The following CCDC73 variants were observed in gnomAD, a reference collection of about 807,000 sequenced individuals.
CCDC73 encodes coiled-coil domain-containing protein 73.
Under a neutral mutation model 116.5 loss-of-function variants are expected in CCDC73, and 95 were observed. That is an observed-to-expected ratio of 0.82 (90% CI 0.69 to 0.97). The LOEUF is 0.97. Ranked by LOEUF, CCDC73 falls within the 50% of genes least tolerant of loss-of-function variation. CCDC73 has a pLI of 0.00. For synonymous variants in CCDC73, 398 were observed against 401.3 expected, an observed-to-expected ratio of 0.99 and a Z score of 0.10; for missense variants, 1,066 against 1,206.8, an observed-to-expected ratio of 0.88 and a Z score of 1.73.
At chr11:32,758,543 G>A in intron 2 of CCDC73, 1 of 451,352 alleles carries the variant, frequency 2.2e-6, no homozygotes, top group Non-Finnish European at 4.4e-6. Context: ...GATCAAACAT[G>A]CTTTCTTCAT....
intron 2 of CCDC73, among the ~76,000 whole-genome samples, chr11:32,749,859 TCTTA>T (rs1179016663): frequency 1.3e-5 from 2 of 149,090 alleles, no homozygotes; most frequent in Non-Finnish European, 3.0e-5. Context: ...CATTCTCTCC[TCTTA>T]CTTTTTTTTT....
In CCDC73 at chr11:32,678,489, G is replaced by A. The variant is rs116326503; in HGVS notation, c.430-2468C>T. Among the ~76,000 whole-genome samples the A allele has an allele frequency of 7.1e-3, 1,087 of 152,260 alleles. 17 individuals are homozygous for A. The highest frequency in any genetic ancestry group is 0.025 in the African/African-American group (1,048 of 41,550). On this transcript the variant is annotated intron_variant, in intron 7 of 17. Coordinates refer to ENST00000335185, the MANE Select transcript of CCDC73 (RefSeq NM_001008391.4). ...ATTAATATAAATAAAGCACTAAAAA[G>A]CAAAGCCCATCATATAAAAATCACA...
intron 12 of CCDC73, among the ~76,000 whole-genome samples, chr11:32,644,798 T>A (rs990729062): frequency 6.6e-6 from 1 of 152,190 alleles, no homozygotes. Context: ...TTTCTGTCTC[T>A]CTAATTGTGG....
chr11:32,730,630 T>C (rs1181628604), intron 2 of CCDC73, among the ~76,000 whole-genome samples: 1 of 152,218 alleles, frequency 6.6e-6, no homozygotes, highest in Non-Finnish European at 1.5e-5. Context: ...ATGATGTATC[T>C]GGGTATTTTC....
chr11:32,604,545 T>C (rs376199902), intron 17 of CCDC73: 9 of 152,248 alleles, frequency 5.9e-5, no homozygotes, highest in African/African-American at 1.7e-4. Flanking sequence ...GTATACACTT[T>C]TTAAATACTG....
At chr11:32,777,465 C>A (rs1473632602) in intron 1 of CCDC73, among the ~76,000 whole-genome samples, 1 of 152,068 alleles carries the variant, frequency 6.6e-6, no homozygotes, top group Non-Finnish European at 1.5e-5. Flanking sequence ...CCTAATCTGA[C>A]AATAAATGTT....
intron 14 of CCDC73, among the ~76,000 whole-genome samples, chr11:32,631,002 G>T (rs1203799852): frequency 6.6e-6 from 1 of 152,072 alleles, no homozygotes. Flanking sequence ...TGATAAAAAG[G>T]TCAATCAGGA....
intron 9 of CCDC73, among the ~76,000 whole-genome samples, chr11:32,673,942 A>G (rs774222395): frequency 6.6e-6 from 1 of 152,192 alleles, no homozygotes; most frequent in Non-Finnish European, 1.5e-5. Context: ...TGAGAGAAGT[A>G]GTGATCTGTT....
intron 1 of CCDC73, among the ~76,000 whole-genome samples, chr11:32,780,016 G>A (rs1187519588): frequency 3.3e-5 from 5 of 152,182 alleles, no homozygotes; most frequent in Non-Finnish European, 4.4e-5. Context: ...ACTCACGCCT[G>A]TAACCTCAGC....
intron 6 of CCDC73, 97 bp from the exon 7 acceptor site, chr11:32,683,671 A>G: frequency 1.4e-6 from 1 of 698,152 alleles, no homozygotes; most frequent in Non-Finnish European, 2.5e-6. Context: ...TGTGGCATGT[A>G]TCTTCTATGT....
At chr11:32,723,775 A>T (rs1448739553) in intron 2 of CCDC73, among the ~76,000 whole-genome samples, 1 of 152,188 alleles carries the variant, frequency 6.6e-6, no homozygotes, top group African/African-American at 2.4e-5. Flanking sequence ...CTAATAAAAA[A>T]TAAACACTTT....
chr11:32,664,641 A>G (rs1855963234), intron 9 of CCDC73, among the ~76,000 whole-genome samples: 2 of 152,192 alleles, frequency 1.3e-5, no homozygotes, highest in African/African-American at 4.8e-5. Context: ...GCTGCATTCA[A>G]TGATATTTTT....
Position 32,699,341 on chromosome 11 carries a change from T to C in CCDC73, c.316-16A>G, listed in dbSNP as rs12808227. Reference sequence around the variant, plus strand: ...GATATTTTCCCTTTAAGTAAAAAACTGTATTTCAATACTTTCCAATGTAAA... The same window carrying C: ...GATATTTTCCCTTTAAGTAAAAAACCGTATTTCAATACTTTCCAATGTAAA... On this transcript the variant is annotated splice_polypyrimidine_tract_variant and intron_variant, in intron 5 of 17. Coordinates refer to ENST00000335185, the MANE Select transcript of CCDC73 (RefSeq NM_001008391.4). The C allele has an allele frequency of 0.074, 114,345 of 1,541,884 alleles. 4,731 individuals carry two copies. Among genetic ancestry groups the C allele is most frequent in the Middle Eastern group, 0.11 (549 of 4,820 alleles).
intron 2 of CCDC73, among the ~76,000 whole-genome samples, chr11:32,748,533 A>G (rs1338214139): frequency 6.6e-6 from 1 of 152,104 alleles, no homozygotes; most frequent in Non-Finnish European, 1.5e-5. Context: ...TGTTGTAGTT[A>G]TTATTTTTAA....
intron 9 of CCDC73, among the ~76,000 whole-genome samples, chr11:32,663,289 C>T (rs1429063360): frequency 7.9e-5 from 12 of 152,108 alleles, no homozygotes; most frequent in African/African-American, 2.4e-4. Context: ...GCCATTTTCA[C>T]GATATTGATT....
Position 32,702,735 on chromosome 11 carries a change from C to A in CCDC73, c.279+138G>T. On this transcript the variant is annotated intron_variant, in intron 4 of 17. Coordinates refer to ENST00000335185, the MANE Select transcript of CCDC73 (RefSeq NM_001008391.4). ...AGTTGTGATTAAAAATGATTTTATT[C>A]ATTTCCTACTTCCCATAATACCTTG... 4.5e-6 allele frequency: 3 copies of A among 671,620 alleles called. No individual in the cohort carries two copies. The South Asian group carries it at 5.4e-5, about 12-fold the overall frequency. The allele number at this position is 671,620 out of a possible 1,614,324, so 41.6% of individuals were successfully genotyped here. A position where few individuals can be genotyped will look rare whatever the true frequency, so the allele number is the denominator to read the frequency against.
chr11:32,704,708 G>A (rs749647340), intron 3 of CCDC73, among the ~76,000 whole-genome samples: 1 of 152,184 alleles, frequency 6.6e-6, no homozygotes, highest in Non-Finnish European at 1.5e-5. Context: ...GCAGAGGAGT[G>A]AGAACTTCCT....
At chr11:32,608,156 C>A (rs1855379819) in intron 17 of CCDC73, among the ~76,000 whole-genome samples, 1 of 152,078 alleles carries the variant, frequency 6.6e-6, no homozygotes, top group Non-Finnish European at 1.5e-5. Context: ...CTGGCCCCTC[C>A]CAAATCTCAT....
intron 4 of CCDC73, among the ~76,000 whole-genome samples, chr11:32,702,132 A>T (rs1436542195): frequency 6.6e-6 from 1 of 151,902 alleles, no homozygotes; most frequent in Admixed American, 6.6e-5. Context: ...AAAAAAATTA[A>T]CACATCTACA....
Sources: gnomAD v4.1 joint callset for allele counts (sites outside exome capture counted in the v4.1 genomes callset) on GRCh38, gnomAD v4.1.1 for gene constraint, MANE v1.5 for transcripts, NCBI Gene and HGNC (gene_info 2026-07-23, HGNC 2026-07-21) for gene names.